Variants in KIRREL3 observed in about 807,000 individuals in gnomAD.
KIRREL3 encodes kirre like nephrin family adhesion molecule 3, also known as kin of IRRE-like protein 3.
Under a neutral mutation model 89.7 loss-of-function variants are expected in KIRREL3, and 36 were observed. The ratio of observed to expected loss-of-function variants is 0.40; its 90% CI spans 0.31 to 0.53. The LOEUF is 0.53. Ranked by LOEUF, KIRREL3 falls within the 20% of genes least tolerant of loss-of-function variation. KIRREL3 has a pLI of 0.49. For missense variants in KIRREL3, 864 were observed against 1,056.6 expected, an observed-to-expected ratio of 0.82 and a Z score of 2.53; for synonymous variants, 445 against 441.4, an observed-to-expected ratio of 1.01 and a Z score of -0.10.
In KIRREL3 at chr11:126,816,676, T is replaced by G. The variant is rs145847808; in HGVS notation, c.55+183779A>C. On this transcript the variant is annotated intron_variant, in intron 1 of 16. Coordinates refer to ENST00000525144, the MANE Select transcript of KIRREL3 (RefSeq NM_032531.4). ...CAAGGATACTATTTAATCTCCTCCT[T>G]TTCACCAACCCCATCTGCACCCCAG... 5.7e-3 allele frequency among the ~76,000 whole-genome samples: 865 copies of G among 152,338 alleles called. 6 individuals carry two copies. Among genetic ancestry groups the G allele is most frequent in the Admixed American group, 0.011 (174 of 15,300 alleles).
intron 1 of KIRREL3, among the ~76,000 whole-genome samples, chr11:126,767,582 G>A (rs1017906755): frequency 6.7e-6 from 1 of 150,308 alleles, no homozygotes; most frequent in African/African-American, 2.5e-5. Context: ...ATAGACCACT[G>A]TAGGGACCAA....
At position 126,483,620 on chromosome 11, in the gene KIRREL3, C is replaced by T. The variant is rs909079973; in HGVS notation, c.434-10154G>A. Reference sequence around the variant, plus strand: ...GCTGCTCACAATGTTCAATGGTTCCCACTGCTCCAGCACAAAAATCAATTC... The same window carrying T: ...GCTGCTCACAATGTTCAATGGTTCCTACTGCTCCAGCACAAAAATCAATTC... On this transcript the variant is annotated intron_variant, in intron 4 of 16. Coordinates refer to ENST00000525144, the MANE Select transcript of KIRREL3 (RefSeq NM_032531.4). Among the ~76,000 whole-genome samples, 3 of 152,208 alleles carry T rather than the reference C, an allele frequency of 2.0e-5. No homozygotes were observed. In the South Asian group the frequency reaches 6.2e-4, roughly 31 times the overall value.
At chr11:126,756,114 C>T (rs972949868) in intron 1 of KIRREL3, among the ~76,000 whole-genome samples, 1 of 152,186 alleles carries the variant, frequency 6.6e-6, no homozygotes, top group African/African-American at 2.4e-5. Context: ...CAATAAAGCT[C>T]ATATTGTTAA....
At chr11:126,939,596 G>A (rs529735194) in intron 1 of KIRREL3, among the ~76,000 whole-genome samples, 14 of 152,246 alleles carry the variant, frequency 9.2e-5, no homozygotes, top group African/African-American at 2.4e-4. Flanking sequence ...GCATCACTTC[G>A]ATTTGTGAGG....
intron 2 of KIRREL3, chr11:126,549,425 C>T (rs910935401): frequency 6.6e-6 from 1 of 152,158 alleles, no homozygotes; most frequent in African/African-American, 2.4e-5. Flanking sequence ...GGAGGTGGGG[C>T]AAGCTCCTTC....
intron 1 of KIRREL3, among the ~76,000 whole-genome samples, chr11:126,592,645 T>G (rs1366639072): frequency 6.6e-6 from 1 of 152,132 alleles, no homozygotes; most frequent in Non-Finnish European, 1.5e-5. Flanking sequence ...ATGCCTGCTG[T>G]GCGGGAAACA....
rs147489961 is a variant in KIRREL3 at position 126,959,220 on chromosome 11, C to T, written c.55+41235G>A. Among the ~76,000 whole-genome samples, 69 of 152,344 alleles carry T rather than the reference C, an allele frequency of 4.5e-4. No homozygotes were observed. In the East Asian group the frequency reaches 7.3e-3, roughly 16 times the overall value. ...TCCAACTGCAGATCTGGATATTTCT[C>T]AGCCTCCATACTTACACAGACCAAT... On this transcript the variant is annotated intron_variant, in intron 1 of 16. Coordinates refer to ENST00000525144, the MANE Select transcript of KIRREL3 (RefSeq NM_032531.4).
chr11:126,575,024 A>T lies in KIRREL3; in HGVS notation c.56-12112T>A, dbSNP rs1267978955. On this transcript the variant is annotated intron_variant, in intron 1 of 16. Coordinates refer to ENST00000525144, the MANE Select transcript of KIRREL3 (RefSeq NM_032531.4). The surrounding 1 kb of genome is among the most constrained non-coding windows in gnomAD (Gnocchi z 7.0). ...TGGGGTTCTTGACTCAGGCTCTGTC[A>T]GTCCACAGAGGGTGGTTATGGCAAT... Among the ~76,000 whole-genome samples, 2 of 152,204 alleles carry T rather than the reference A, an allele frequency of 1.3e-5. No individual in the cohort carries two copies. Among genetic ancestry groups the T allele is most frequent in the African/African-American group, 2.4e-5 (1 of 41,438 alleles).
At chr11:126,577,660 G>C (rs1941328568) in intron 1 of KIRREL3, among the ~76,000 whole-genome samples, 1 of 151,776 alleles carries the variant, frequency 6.6e-6, no homozygotes, top group African/African-American at 2.4e-5. Flanking sequence ...TATTCGGGAG[G>C]CTGAGGCAGA....
chr11:126,593,067 T>A (rs1942226156), intron 1 of KIRREL3, among the ~76,000 whole-genome samples: 1 of 152,184 alleles, frequency 6.6e-6, no homozygotes, highest in African/African-American at 2.4e-5. Flanking sequence ...GTCAGCCGAC[T>A]TGCAGATTGT....
chr11:126,629,492 G>A (rs1351141778), intron 1 of KIRREL3, among the ~76,000 whole-genome samples: 1 of 152,202 alleles, frequency 6.6e-6, no homozygotes, highest in Admixed American at 6.5e-5. Context: ...TGGCGGCAGA[G>A]CAGCTGTGAG....
Position 126,940,911 on chromosome 11 carries a change from C to G in KIRREL3, c.55+59544G>C, listed in dbSNP as rs1298745564. ...CCTTCATCTCCTCCATCTGCATCAG[C>G]CTAAATTGTCCTAGTGAGTTCACTT... On this transcript the variant is annotated intron_variant, in intron 1 of 16. Transcript: ENST00000525144. The surrounding 1 kb of genome is among the most constrained non-coding windows in gnomAD (Gnocchi z 4.6). 1.3e-5 allele frequency: 2 copies of G among 152,040 alleles called. No homozygotes were observed. The highest frequency in any genetic ancestry group is 2.9e-5 in the Non-Finnish European group (2 of 68,020). 9.4% of individuals were successfully genotyped at this position (152,040 alleles called of 1,614,324 possible). A position where few individuals can be genotyped will look rare whatever the true frequency, so the allele number is the denominator to read the frequency against.
At chr11:126,845,842 A>G (rs188075357) in intron 1 of KIRREL3, among the ~76,000 whole-genome samples, 115 of 152,336 alleles carry the variant, frequency 7.5e-4, no homozygotes, top group Admixed American at 2.2e-3. Flanking sequence ...AAAGAGTGCT[A>G]TAGTTAAAAG....
rs1390359992 is a variant in KIRREL3, at chr11:126,636,667, G to A, written c.56-73755C>T. Among the ~76,000 whole-genome samples, 7 of 152,262 alleles carry A rather than the reference G, an allele frequency of 4.6e-5. No homozygotes were observed. The East Asian group carries it at 1.2e-3, about 25-fold the overall frequency. ...CTCTGCTGCCAGCACCCTTTCTTGT[G>A]TCTTGGTATCTGCCTGAGACCTTTG... On this transcript the variant is annotated intron_variant, in intron 1 of 16. Coordinates refer to ENST00000525144, the MANE Select transcript of KIRREL3 (RefSeq NM_032531.4). This position sits in a 1 kb window ranked among gnomAD's most constrained non-coding sequence, Gnocchi z 4.4.
In KIRREL3 at chr11:126,647,767, G is replaced by A. The variant is rs1280272014; in HGVS notation, c.56-84855C>T. 1.3e-5 allele frequency among the ~76,000 whole-genome samples: 2 copies of A among 152,188 alleles called. No homozygotes were observed. Among genetic ancestry groups the A allele is most frequent in the Admixed American group, 1.3e-4 (2 of 15,284 alleles). On this transcript the variant is annotated intron_variant, in intron 1 of 16. Transcript: ENST00000525144. The surrounding 1 kb of genome is among the most constrained non-coding windows in gnomAD (Gnocchi z 4.9). ...GTCTAGTTTCAACAGGGCAGTCTGA[G>A]TAGTGCTTTTAAAAACCTAAGTCAG...
At chr11:126,648,953 G>T (rs1944800912) in intron 1 of KIRREL3, among the ~76,000 whole-genome samples, 1 of 152,176 alleles carries the variant, frequency 6.6e-6, no homozygotes, top group African/African-American at 2.4e-5. Flanking sequence ...TCGAGAATGG[G>T]AAGAAAAACA....
At chr11:126,673,539 A>G (rs1210745235) in intron 1 of KIRREL3, among the ~76,000 whole-genome samples, 1 of 152,164 alleles carries the variant, frequency 6.6e-6, no homozygotes, top group Admixed American at 6.5e-5. Flanking sequence ...GGAATTCATA[A>G]TTGCTTCTTA....
At position 126,601,714 on chromosome 11, in the gene KIRREL3, G is replaced by T. The variant is rs531341588; in HGVS notation, c.56-38802C>A. Among the ~76,000 whole-genome samples, 1 of 151,966 alleles carries T rather than the reference G, an allele frequency of 6.6e-6. No individual in the cohort carries two copies. Among genetic ancestry groups the T allele is most frequent in the Non-Finnish European group, 1.5e-5 (1 of 68,000 alleles). On this transcript the variant is annotated intron_variant, in intron 1 of 16. Transcript: ENST00000525144. This position sits in a 1 kb window ranked among gnomAD's most constrained non-coding sequence, Gnocchi z 5.8. ...CCTCCATTCTTCTCATGCATCCTGCGGTGCCATTCGCCCACCCCGCCTACA... is the reference window on the plus strand; with the variant it reads ...CCTCCATTCTTCTCATGCATCCTGCTGTGCCATTCGCCCACCCCGCCTACA...
chr11:126,661,997 TAA>T (rs1283919903), intron 1 of KIRREL3, among the ~76,000 whole-genome samples: 1 of 151,660 alleles, frequency 6.6e-6, no homozygotes. Context: ...GGGGTTTGGG[TAA>T]AGAGGAAAGA....
Sources: gnomAD v4.1 joint callset for allele counts (sites outside exome capture counted in the v4.1 genomes callset) on GRCh38, gnomAD v4.1.1 for gene constraint, Gnocchi (gnomAD v3.1) non-coding constraint, MANE v1.5 for transcripts, NCBI Gene and HGNC (gene_info 2026-07-23, HGNC 2026-07-21) for gene names.